Variants in AFAP1 observed in about 807,000 individuals in gnomAD.
AFAP1 encodes actin filament associated protein 1.
A neutral mutation model predicts 93.9 loss-of-function variants in AFAP1; 75 were observed. The observed-to-expected ratio is 0.80, with a 90% CI of 0.66 to 0.97. The LOEUF is 0.97. Among genes scored for constraint, AFAP1 ranks in the 50% least tolerant of loss-of-function variants. The pLI, the probability that AFAP1 is intolerant of heterozygous loss-of-function variation, is 0.00. For synonymous variants in AFAP1, 517 were observed against 430.7 expected (o/e 1.20, Z -2.48); for missense variants, 1,201 against 1,050.8 (o/e 1.14, Z -1.98).
chr4:7,763,898 G>T, intron 17 of AFAP1, 107 bp from the exon 18 acceptor site: 2 of 1,080,368 alleles, frequency 1.9e-6, no homozygotes, highest in Non-Finnish European at 1.4e-6. Flanking sequence ...CTCGGCTACT[G>T]CAGAAAACTC....
intron 4 of AFAP1, among the ~76,000 whole-genome samples, chr4:7,847,303 A>C (rs181010051): frequency 1.2e-4 from 18 of 152,222 alleles, no homozygotes; most frequent in Admixed American, 9.2e-4. Context: ...AACTCTCCGG[A>C]AAGTATGCTT....
At chr4:7,909,613 T>G (rs1186683211) in intron 1 of AFAP1, among the ~76,000 whole-genome samples, 2 of 152,218 alleles carry the variant, frequency 1.3e-5, no homozygotes, top group Admixed American at 6.5e-5. Flanking sequence ...CCACATTTGT[T>G]TGCATAACAT....
intron 1 of AFAP1, among the ~76,000 whole-genome samples, chr4:7,889,426 T>G (rs1718313714): frequency 6.6e-6 from 1 of 151,074 alleles, no homozygotes; most frequent in Non-Finnish European, 1.5e-5. Flanking sequence ...CACGTGCCTG[T>G]AGCCCCAGCT....
chr4:7,913,282 T>G (rs1308151139), intron 1 of AFAP1, among the ~76,000 whole-genome samples: 1 of 149,814 alleles, frequency 6.7e-6, no homozygotes, highest in Non-Finnish European at 1.5e-5. Flanking sequence ...CCCAGCTACT[T>G]GGGAGGCTGA....
chr4:7,769,117 A>G, intron 16 of AFAP1, 109 bp from the exon 17 acceptor site: 1 of 1,393,416 alleles, frequency 7.2e-7, no homozygotes, highest in Admixed American at 2.2e-5. Context: ...GAAATGGGCA[A>G]AAATAACAGC....
At chr4:7,855,024 T>C (rs1422222263) in intron 4 of AFAP1, among the ~76,000 whole-genome samples, 1 of 152,192 alleles carries the variant, frequency 6.6e-6, no homozygotes, top group Non-Finnish European at 1.5e-5. Flanking sequence ...CAAAAGTCTA[T>C]GACAGAGACG....
At chr4:7,827,474 G>A (rs1277358168) in intron 6 of AFAP1, among the ~76,000 whole-genome samples, 4 of 148,722 alleles carry the variant, frequency 2.7e-5, no homozygotes, top group Non-Finnish European at 4.4e-5. Flanking sequence ...GGGAGGCTGA[G>A]GCAGGAGAAT....
intron 1 of AFAP1, among the ~76,000 whole-genome samples, chr4:7,889,393 A>C (rs1001254524): frequency 2.0e-5 from 3 of 151,608 alleles, no homozygotes; most frequent in Non-Finnish European, 4.4e-5. Context: ...CTAAAATTAC[A>C]AAAAATTAGC....
chr4:7,883,061 T>C (rs1485693858), intron 1 of AFAP1, among the ~76,000 whole-genome samples: 1 of 151,494 alleles, frequency 6.6e-6, no homozygotes, highest in Non-Finnish European at 1.5e-5. Flanking sequence ...GGCACACACC[T>C]GTAGTCTCAG....
chr4:7,891,974 A>T (rs1192462268), intron 1 of AFAP1, among the ~76,000 whole-genome samples: 1 of 152,122 alleles, frequency 6.6e-6, no homozygotes, highest in Non-Finnish European at 1.5e-5. Context: ...GAATGGCTTG[A>T]ACCCGGGAAG....
chr4:7,800,048 TC>T (rs1333444288), intron 10 of AFAP1, among the ~76,000 whole-genome samples: 1 of 152,176 alleles, frequency 6.6e-6, no homozygotes, highest in Non-Finnish European at 1.5e-5. Flanking sequence ...TTCAAAGAGC[TC>T]CTGGGGGAAA....
In AFAP1 at chr4:7,830,598, TTTA is replaced by T. The variant is rs10670912; in HGVS notation, c.726+7923_726+7925del. ...TTATATACACATATAAGTGAAAGGT[TTTA>T]TTATTATTATTATTATTTATCTTTA... On this transcript the variant is annotated intron_variant, in intron 6 of 17. Coordinates refer to ENST00000420658, the MANE Select transcript of AFAP1 (RefSeq NM_001134647.2). Among the ~76,000 whole-genome samples, 958 of 151,384 alleles carry T rather than the reference TTTA, an allele frequency of 6.3e-3. 6 individuals carry two copies. Among genetic ancestry groups the T allele is most frequent in the African/African-American group, 0.022 (908 of 41,144 alleles).
chr4:7,822,573 CTTTT>C (rs1241517722), intron 6 of AFAP1, among the ~76,000 whole-genome samples: 4 of 137,844 alleles, frequency 2.9e-5, no homozygotes, highest in East Asian at 2.1e-4. Flanking sequence ...TGTCTTCTTT[CTTTT>C]TCTTTTTTCT....
chr4:7,938,807 C>G (rs960895104), intron 1 of AFAP1, among the ~76,000 whole-genome samples: 5 of 152,140 alleles, frequency 3.3e-5, no homozygotes, highest in African/African-American at 1.2e-4. Context: ...TCCCTCCAAT[C>G]AGAGCCCAGC....
chr4:7,887,134 G>C (rs1022061825), intron 1 of AFAP1, among the ~76,000 whole-genome samples: 3 of 152,194 alleles, frequency 2.0e-5, no homozygotes, highest in African/African-American at 7.2e-5. Context: ...AGATGAACTG[G>C]TGGAGTGGGA....
chr4:7,839,643 C>T (rs1460839577), intron 5 of AFAP1, among the ~76,000 whole-genome samples: 2 of 152,188 alleles, frequency 1.3e-5, no homozygotes, highest in African/African-American at 4.8e-5. Context: ...ATCTACACAA[C>T]TGACATTCAC....
chr4:7,770,845 G>A lies in AFAP1; in HGVS notation c.2254-1837C>T, dbSNP rs559904358. 2.0e-4 allele frequency among the ~76,000 whole-genome samples: 31 copies of A among 152,288 alleles called. No homozygotes were observed. The South Asian group carries it at 6.0e-3, about 30-fold the overall frequency. ...CAAAAGACAAGCAGCGTGGGGGACT[G>A]TGTGCACTCCTGCCTCAGATCACAG... On this transcript the variant is annotated intron_variant, in intron 16 of 17. Transcript: ENST00000420658.
intron 10 of AFAP1, 80 bp downstream of exon 10, chr4:7,800,362 A>G (rs887067939): frequency 7.0e-7 from 1 of 1,438,764 alleles, no homozygotes; most frequent in Non-Finnish European, 9.6e-7. Context: ...ATTTTGATAG[A>G]GGAGTCAGCA....
rs1713983873 is a variant in AFAP1, at chr4:7,762,708, A to C, written c.*1057T>G. 6.6e-6 allele frequency: 1 copy of C among 152,312 alleles called. No homozygotes were observed. Among genetic ancestry groups the C allele is most frequent in the African/African-American group, 2.4e-5 (1 of 41,468 alleles). 9.4% of individuals were successfully genotyped at this position (152,312 alleles called of 1,614,324 possible). ...GGCCCACCAACACATTAGTGGTTTA[A>C]CTTGACAAGCTGGAGGAAGGGGAGG... is the stretch of plus-strand genomic sequence containing the variant. On this transcript the variant is annotated 3_prime_UTR_variant, in exon 18 of 18. Coordinates refer to ENST00000420658, the MANE Select transcript of AFAP1 (RefSeq NM_001134647.2).
Sources: gnomAD v4.1 joint callset for allele counts (sites outside exome capture counted in the v4.1 genomes callset) on GRCh38, gnomAD v4.1.1 for gene constraint, MANE v1.5 for transcripts, NCBI Gene and HGNC (gene_info 2026-07-23, HGNC 2026-07-21) for gene names.